The following KCTD1 variants were observed in gnomAD, a reference collection of about 807,000 sequenced individuals.
KCTD1 encodes the protein BTB/POZ domain-containing protein KCTD1.
KCTD1 carries 24 observed loss-of-function variants against 66.0 expected under a neutral mutation model. That is an observed-to-expected ratio of 0.36 (90% CI 0.26 to 0.51). KCTD1 has a LOEUF of 0.51. KCTD1 is among the 20% of genes least tolerant of loss of function. KCTD1 has a pLI of 0.95. For missense variants in KCTD1, 943 were observed against 1,205.2 expected, an observed-to-expected ratio of 0.78 and a Z score of 3.22; for synonymous variants, 511 against 517.2, an observed-to-expected ratio of 0.99 and a Z score of 0.16.
At chr18:26,621,785 C>T (rs890558175) in intron 1 of KCTD1, among the ~76,000 whole-genome samples, 4 of 152,210 alleles carry the variant, frequency 2.6e-5, no homozygotes, top group Admixed American at 2.6e-4. Context: ...ACAGTGTCAT[C>T]ATGCATTCCA....
At chr18:26,508,227 G>A (rs1489221205) in intron 1 of KCTD1, among the ~76,000 whole-genome samples, 1 of 152,128 alleles carries the variant, frequency 6.6e-6, no homozygotes, top group African/African-American at 2.4e-5. Flanking sequence ...GCTGATCGGT[G>A]CATCTTTAAC....
chr18:26,657,010 C>G (rs891849324), intron 1 of KCTD1, among the ~76,000 whole-genome samples: 1 of 150,202 alleles, frequency 6.7e-6, no homozygotes, highest in African/African-American at 2.4e-5. Flanking sequence ...ACGGCGGCTC[C>G]TCTCCGAGAT....
intron 1 of KCTD1, among the ~76,000 whole-genome samples, chr18:26,592,043 T>C (rs1025571426): frequency 1.3e-5 from 2 of 152,236 alleles, no homozygotes; most frequent in Non-Finnish European, 2.9e-5. Flanking sequence ...TACTAGTTAC[T>C]TTGTTAGTCT....
chr18:26,643,757 T>C (rs1217838344), upstream of KCTD1, among the ~76,000 whole-genome samples: 1 of 152,180 alleles, frequency 6.6e-6, no homozygotes, highest in Non-Finnish European at 1.5e-5. Context: ...GGTCAGGAGA[T>C]GGAGACCATC....
chr18:26,468,723 C>T lies in KCTD1; in HGVS notation c.2133+7792G>A, dbSNP rs979905346. Among the ~76,000 whole-genome samples the T allele has an allele frequency of 2.0e-5, 3 of 152,032 alleles. No individual in the cohort carries two copies. Among genetic ancestry groups the T allele is most frequent in the Non-Finnish European group, 4.4e-5 (3 of 67,984 alleles). The stretch of plus-strand genomic sequence containing the variant: ...CGTGGTGGCGTGTGGTGGCGTGTGC[C>T]TGTAGTCCAGCTACTTGGGAGGCTG... On this transcript the variant is annotated intron_variant, in intron 3 of 4. Transcript: ENST00000580059. This position sits in a 1 kb window ranked among gnomAD's most constrained non-coding sequence, Gnocchi z 4.8.
upstream of KCTD1, among the ~76,000 whole-genome samples, chr18:26,630,988 C>A (rs1987607031): frequency 6.6e-6 from 1 of 152,226 alleles, no homozygotes. Context: ...CCTCCCTACA[C>A]TTATATATGC....
intron 1 of KCTD1, among the ~76,000 whole-genome samples, chr18:26,535,995 T>A (rs980427215): frequency 2.5e-5 from 3 of 118,560 alleles, no homozygotes; most frequent in Non-Finnish European, 5.5e-5. Context: ...AAAGAAGATT[T>A]TTTTTCCTGT....
At chr18:26,546,640 C>T in intron 1 of KCTD1, 88 bp downstream of exon 1, 7 of 1,391,978 alleles carry the variant, frequency 5.0e-6, no homozygotes, top group Non-Finnish European at 6.7e-6. Flanking sequence ...TTTAAAACTT[C>T]CCCCCTACCC....
At chr18:26,608,252 G>A (rs904214782) in intron 1 of KCTD1, among the ~76,000 whole-genome samples, 1 of 152,166 alleles carries the variant, frequency 6.6e-6, no homozygotes, top group Admixed American at 6.5e-5. Context: ...TCCTTACACT[G>A]TTTGATCTCT....
intron 1 of KCTD1, among the ~76,000 whole-genome samples, chr18:26,555,270 G>T (rs1309638561): frequency 8.6e-5 from 13 of 152,032 alleles, no homozygotes; most frequent in Non-Finnish European, 1.8e-4. Flanking sequence ...CCCAAATGTT[G>T]GTACGAAAAT....
At chr18:26,552,273 T>A (rs563311162), upstream of KCTD1, among the ~76,000 whole-genome samples, 3 of 152,358 alleles carry the variant, frequency 2.0e-5, no homozygotes, top group African/African-American at 7.2e-5. Flanking sequence ...CAGAAACATA[T>A]TCAGCTCTTC....
chr18:26,570,814 T>C (rs929031563), intron 1 of KCTD1, among the ~76,000 whole-genome samples: 1 of 152,238 alleles, frequency 6.6e-6, no homozygotes, highest in African/African-American at 2.4e-5. Context: ...TGTTGAACCA[T>C]CATAAGTCAG....
rs1253355812 is a variant in KCTD1, at chr18:26,476,679, A to G, written c.1989-20T>C. On this transcript the variant is annotated intron_variant, in intron 2 of 4. Transcript: ENST00000580059. This position sits in a 1 kb window ranked among gnomAD's most constrained non-coding sequence, Gnocchi z 4.9. ...CCGATTCTGTGATAGAAAAGAGGGAACAGTGAAGACAATTAGATCAATTGT... is the reference window on the plus strand; with the variant it reads ...CCGATTCTGTGATAGAAAAGAGGGAGCAGTGAAGACAATTAGATCAATTGT... 6.2e-7 allele frequency: 1 copy of G among 1,608,432 alleles called. No homozygotes were observed. Among genetic ancestry groups the G allele is most frequent in the East Asian group, 2.2e-5 (1 of 44,676 alleles).
intron 1 of KCTD1, among the ~76,000 whole-genome samples, chr18:26,573,365 T>G (rs1986153952): frequency 6.6e-6 from 1 of 152,152 alleles, no homozygotes; most frequent in South Asian, 2.1e-4. Context: ...GTGAATGTAC[T>G]TAATGCCACT....
chr18:26,657,105 C>T (rs376766110), intron 1 of KCTD1, among the ~76,000 whole-genome samples: 1 of 151,728 alleles, frequency 6.6e-6, no homozygotes, highest in Non-Finnish European at 1.5e-5. Flanking sequence ...CCGCTCTGCT[C>T]CGCCCTGCTC....
chr18:26,616,620 A>C (rs1483743406), intron 1 of KCTD1, among the ~76,000 whole-genome samples: 1 of 152,026 alleles, frequency 6.6e-6, no homozygotes, highest in Non-Finnish European at 1.5e-5. Flanking sequence ...CCTGGGCTCA[A>C]GTGATCCTTG....
upstream of KCTD1, among the ~76,000 whole-genome samples, chr18:26,629,526 G>A (rs143648573): frequency 2.6e-3 from 390 of 152,328 alleles, no homozygotes; most frequent in African/African-American, 9.0e-3. Flanking sequence ...TGATAGAAAT[G>A]TCAAGGTTTC....
intron 2 of KCTD1, among the ~76,000 whole-genome samples, chr18:26,477,123 C>T (rs1981389688): frequency 6.6e-6 from 1 of 152,114 alleles, no homozygotes; most frequent in Non-Finnish European, 1.5e-5. Flanking sequence ...TAAGGCAAAG[C>T]CTATATGTTG....
At chr18:26,528,828 TC>T (rs1984297109) in intron 1 of KCTD1, among the ~76,000 whole-genome samples, 2 of 152,154 alleles carry the variant, frequency 1.3e-5, no homozygotes, top group Non-Finnish European at 2.9e-5. Context: ...GTTCCCCTCC[TC>T]CTCCCCGGCC....
Sources: allele counts gnomAD v4.1 joint callset (sites outside exome capture counted in the v4.1 genomes callset), GRCh38; gene constraint gnomAD v4.1.1; non-coding constraint Gnocchi (gnomAD v3.1); transcripts MANE v1.5; gene names NCBI Gene and HGNC (gene_info 2026-07-23, HGNC 2026-07-21).